APPBP2: variants seen among roughly 807,000 people sequenced by gnomAD.
APPBP2 encodes the protein amyloid beta precursor protein binding protein 2.
In APPBP2, 15 loss-of-function variants were observed where a neutral mutation model predicts 76.0. The observed-to-expected ratio is 0.20, with a 90% CI of 0.13 to 0.30. The LOEUF is 0.30. APPBP2 is among the 10% of genes least tolerant of loss of function. The pLI is 1.00. For synonymous variants in APPBP2, 222 were observed against 242.2 expected, an observed-to-expected ratio of 0.92 and a Z score of 0.77; for missense variants, 401 against 687.2, an observed-to-expected ratio of 0.58 and a Z score of 4.66.
In APPBP2 at chr17:60,494,518, T is replaced by C. The variant is rs779659321; in HGVS notation, c.327A>G (p.Ala109=). 6.2e-7 allele frequency: 1 copy of C among 1,612,396 alleles called. No individual in the cohort carries two copies. Among genetic ancestry groups the C allele is most frequent in the East Asian group, 2.2e-5 (1 of 44,838 alleles). ...YSFSRRCSYI[A]ESDAAVKEKA... ...TTTCCTTTACTGCAGCATCTGATTC[T>C]GCTATATAAGAGCACCGCCTACTGA... Residue 109 remains alanine, a synonymous_variant, in exon 3 of 13, where the codon GCA becomes GCG. Transcript: ENST00000083182.
chr17:60,515,829 T>C (rs953612318), intron 1 of APPBP2, among the ~76,000 whole-genome samples: 6 of 152,142 alleles, frequency 3.9e-5, no homozygotes, highest in Non-Finnish European at 8.8e-5. Flanking sequence ...GTGTTTTCAG[T>C]GGTTGCTGTG....
chr17:60,470,322 A>G (rs1224046599), intron 4 of APPBP2, among the ~76,000 whole-genome samples: 2 of 152,092 alleles, frequency 1.3e-5, no homozygotes, highest in Non-Finnish European at 2.9e-5. Context: ...GTGCAGTTGC[A>G]TGATCAAGCT....
rs945644732 is a variant in APPBP2 at position 60,501,597 on chromosome 17, C to T, written c.139-1110G>A. Among the ~76,000 whole-genome samples, 3 of 151,962 alleles carry T rather than the reference C, an allele frequency of 2.0e-5. No individual in the cohort carries two copies. The East Asian group carries it at 5.8e-4, about 29-fold the overall frequency. On this transcript the variant is annotated intron_variant, in intron 1 of 12. Coordinates refer to ENST00000083182, the MANE Select transcript of APPBP2 (RefSeq NM_006380.5). ...ATTTTTAGTAGAGACGGGGTTTCACCATGTTGGCCAGGCTGGTCTTGAACT... is the reference window on the plus strand; with the variant it reads ...ATTTTTAGTAGAGACGGGGTTTCACTATGTTGGCCAGGCTGGTCTTGAACT...
chr17:60,453,080 A>G (rs1306366605), intron 11 of APPBP2, among the ~76,000 whole-genome samples: 1 of 152,222 alleles, frequency 6.6e-6, no homozygotes, highest in Non-Finnish European at 1.5e-5. Context: ...TACTTAGTAT[A>G]TACTAAGAAT....
At chr17:60,451,749 G>A (rs2090396813) in intron 12 of APPBP2, 131 bp downstream of exon 12, 2 of 745,800 alleles carry the variant, frequency 2.7e-6, no homozygotes, top group African/African-American at 3.6e-5. Context: ...AAAGTGCTGG[G>A]ATTACAGGTA....
intron 1 of APPBP2, chr17:60,513,364 T>A: frequency 1.5e-6 from 1 of 648,406 alleles, no homozygotes; most frequent in South Asian, 1.7e-5. Context: ...ACAGCTTATG[T>A]GGTCTATGAA....
chr17:60,494,791 T>C (rs956958712), intron 2 of APPBP2, among the ~76,000 whole-genome samples, 174 bp from the exon 3 acceptor site: 13 of 152,164 alleles, frequency 8.5e-5, no homozygotes, highest in African/African-American at 3.1e-4. Context: ...GCCTAATCTC[T>C]TCACTCAGTG....
At chr17:60,492,225 G>A (rs1039810297) in intron 3 of APPBP2, among the ~76,000 whole-genome samples, 1 of 152,194 alleles carries the variant, frequency 6.6e-6, no homozygotes, top group African/African-American at 2.4e-5. Context: ...GTATGGGAAC[G>A]CCTGCATGTC....
intron 8 of APPBP2, 48 bp from the exon 9 acceptor site, chr17:60,460,835 T>C (rs1318865801): frequency 6.4e-7 from 1 of 1,571,700 alleles, no homozygotes; most frequent in South Asian, 1.2e-5. Context: ...AAATACCACC[T>C]AGTTAAATTA....
At chr17:60,456,567 A>T (rs1429078573) in intron 9 of APPBP2, among the ~76,000 whole-genome samples, 186 bp from the exon 10 acceptor site, 1 of 152,018 alleles carries the variant, frequency 6.6e-6, no homozygotes, top group Non-Finnish European at 1.5e-5. Flanking sequence ...CCCAACAGAG[A>T]CTCCCATTTC....
At chr17:60,451,842 G>A in intron 12 of APPBP2, 38 bp downstream of exon 12, 1 of 1,519,400 alleles carries the variant, frequency 6.6e-7, no homozygotes, top group Non-Finnish European at 9.0e-7. Context: ...ATGTTGATTT[G>A]TAATCAACTG....
At chr17:60,477,998 A>AT (rs2090603087) in intron 4 of APPBP2, among the ~76,000 whole-genome samples, 1 of 151,906 alleles carries the variant, frequency 6.6e-6, no homozygotes, top group Non-Finnish European at 1.5e-5. Flanking sequence ...TAAAAAATAT[A>AT]TTTAAAAAAA....
rs2091054226 is a variant in APPBP2, at chr17:60,526,188, A to T, written c.-257T>A. ...AAAAGCGTCACAATCCCGGTTCGAG[A>T]GGAACCCGGGTTCCGTCCCAGCGCT... On this transcript the variant is annotated 5_prime_UTR_variant, in exon 1 of 13. Transcript: ENST00000083182. 2.1e-6 allele frequency: 1 copy of T among 479,432 alleles called. No individual in the cohort carries two copies. Among genetic ancestry groups the T allele is most frequent in the Admixed American group, 3.4e-5 (1 of 29,236 alleles). The allele number at this position is 479,432 out of a possible 1,614,324, so 29.7% of individuals were successfully genotyped here. A position where few individuals can be genotyped will look rare whatever the true frequency, so the allele number is the denominator to read the frequency against.
At chr17:60,483,972 T>G (rs1195728739) in intron 3 of APPBP2, among the ~76,000 whole-genome samples, 4 of 152,042 alleles carry the variant, frequency 2.6e-5, no homozygotes. Flanking sequence ...CCCAGCACCA[T>G]TTATTAAATA....
At chr17:60,462,511 AG>A (rs1162610638) in intron 6 of APPBP2, 2 of 158,648 alleles carry the variant, frequency 1.3e-5, no homozygotes, top group African/African-American at 4.8e-5. Flanking sequence ...TCTTTTCTTA[AG>A]AGACAAGGTT....
At chr17:60,517,506 T>C (rs1461910247) in intron 1 of APPBP2, among the ~76,000 whole-genome samples, 3 of 152,246 alleles carry the variant, frequency 2.0e-5, no homozygotes, top group Non-Finnish European at 4.4e-5. Context: ...AATTTTTTTC[T>C]AAAAAACTTT....
intron 1 of APPBP2, among the ~76,000 whole-genome samples, chr17:60,507,378 T>C (rs1161248852): frequency 1.3e-5 from 2 of 152,116 alleles, no homozygotes; most frequent in Non-Finnish European, 2.9e-5. Context: ...TGTACCACCA[T>C]GCCCGGCTAA....
At chr17:60,507,226 CTT>C (rs72163217) in intron 1 of APPBP2, among the ~76,000 whole-genome samples, 24 of 141,138 alleles carry the variant, frequency 1.7e-4, no homozygotes, top group African/African-American at 2.7e-4. Flanking sequence ...TTTCTTTTTT[CTT>C]TTTTTTTTTT....
chr17:60,518,456 G>A (rs925691102), intron 1 of APPBP2, among the ~76,000 whole-genome samples: 21 of 143,448 alleles, frequency 1.5e-4, no homozygotes, highest in Admixed American at 9.1e-4. Flanking sequence ...TGCCTGCCTC[G>A]GCCTCTCAAA....
Sources: gnomAD v4.1 joint callset for allele counts (sites outside exome capture counted in the v4.1 genomes callset) on GRCh38, gnomAD v4.1.1 for gene constraint, MANE v1.5 for transcripts, NCBI Gene and HGNC (gene_info 2026-07-23, HGNC 2026-07-21) for gene names.